Variants in TRMT10A observed in about 807,000 individuals in gnomAD.
The protein encoded by TRMT10A is tRNA methyltransferase 10A.
Under a neutral mutation model 40.4 loss-of-function variants are expected in TRMT10A, and 37 were observed. That is an observed-to-expected ratio of 0.92 (90% CI 0.71 to 1.21). The LOEUF (loss-of-function observed/expected upper bound fraction) is 1.21, where lower values mean the gene tolerates loss of function less well. TRMT10A is among the 50% of genes most tolerant of loss of function. The pLI is 0.00. For missense variants in TRMT10A, 388 were observed against 404.3 expected (o/e 0.96, Z 0.35); for synonymous variants, 103 against 134.1 (o/e 0.77, Z 1.60).
Position 99,563,954 on chromosome 4 carries a change from A to G in TRMT10A, c.-65T>C. On this transcript the variant is annotated 5_prime_UTR_variant, in exon 1 of 8. Coordinates refer to ENST00000394876, the MANE Select transcript of TRMT10A (RefSeq NM_001134665.3). ...CAGGGAAGTGAAATCTCAGAAAGAAAGCCTTTCTGGGTTGGCCTGGTTACG... is the reference window on the plus strand; with the variant it reads ...CAGGGAAGTGAAATCTCAGAAAGAAGGCCTTTCTGGGTTGGCCTGGTTACG... 9.9e-7 allele frequency: 1 copy of G among 1,007,832 alleles called. No individual in the cohort carries two copies. Among genetic ancestry groups the G allele is most frequent in the South Asian group, 1.4e-5 (1 of 72,534 alleles). The allele number at this position is 1,007,832 out of a possible 1,614,324, so 62.4% of individuals were successfully genotyped here.
At chr4:99,560,951 AT>A (rs5860581) in intron 1 of TRMT10A, among the ~76,000 whole-genome samples, 57,340 of 139,504 alleles carry the variant, frequency 0.41, 12,126 homozygotes, top group African/African-American at 0.62. Flanking sequence ...CTATGTGAAG[AT>A]TTTTTTTTTT....
chr4:99,562,515 C>CTTTTT lies in TRMT10A; in HGVS notation c.-24+1393_-24+1397dup, dbSNP rs67816425. On this transcript the variant is annotated intron_variant, in intron 1 of 7. Coordinates refer to ENST00000394876, the MANE Select transcript of TRMT10A (RefSeq NM_001134665.3). ...CTTGACAGCGATAGCAAAGGAATGC[C>CTTTTT]TTTTTTTTTTTTTTTTTTTTTTTTT... is the stretch of plus-strand genomic sequence containing the variant. Among the ~76,000 whole-genome samples, 228 of 76,636 alleles carry CTTTTT rather than the reference C, an allele frequency of 3.0e-3. 28 individuals carry two copies. Among genetic ancestry groups the CTTTTT allele is most frequent in the Middle Eastern group, 0.018 (2 of 110 alleles). 50.3% of individuals were successfully genotyped at this position (76,636 alleles called of 152,430 possible). A position where few individuals can be genotyped will look rare whatever the true frequency, so the allele number is the denominator to read the frequency against.
intron 7 of TRMT10A, among the ~76,000 whole-genome samples, chr4:99,550,378 T>G (rs1285659704): frequency 6.6e-6 from 1 of 152,092 alleles, no homozygotes; most frequent in African/African-American, 2.4e-5. Context: ...TTTGTAGAGA[T>G]GAAGTTTCAC....
Position 99,548,044 on chromosome 4 carries a change from A to G in TRMT10A, c.*1044T>C, listed in dbSNP as rs1181272633. 3 of 152,124 alleles carry G rather than the reference A, an allele frequency of 2.0e-5. No individual in the cohort carries two copies. The highest frequency in any genetic ancestry group is 2.0e-4 in the Admixed American group (3 of 15,266). The allele number at this position is 152,124 out of a possible 1,614,324, so 9.4% of individuals were successfully genotyped here. On this transcript the variant is annotated 3_prime_UTR_variant, in exon 8 of 8. Transcript: ENST00000394876. ...GATTTTTGTACTTAATAAAATTCAAATTGTTCTTAGCGTGTTCAACACAAC... is the reference window on the plus strand; with the variant it reads ...GATTTTTGTACTTAATAAAATTCAAGTTGTTCTTAGCGTGTTCAACACAAC...
At chr4:99,563,803 CT>C (rs953863924) in intron 1 of TRMT10A, 109 bp downstream of exon 1, 1 of 602,746 alleles carries the variant, frequency 1.7e-6, no homozygotes, top group African/African-American at 1.8e-5. Flanking sequence ...CACTGCTCCC[CT>C]CTCCCCCGGA....
chr4:99,554,731 A>AG (rs1724098496), intron 5 of TRMT10A, among the ~76,000 whole-genome samples: 2 of 151,578 alleles, frequency 1.3e-5, no homozygotes, highest in South Asian at 4.1e-4. Flanking sequence ...TCAAAAAAAA[A>AG]AAAAAAAAAA....
chr4:99,555,372 C>T (rs1359037429), intron 5 of TRMT10A, among the ~76,000 whole-genome samples: 1 of 152,098 alleles, frequency 6.6e-6, no homozygotes, highest in Non-Finnish European at 1.5e-5. Context: ...ATAGGGATAA[C>T]CCAGTACTTC....
chr4:99,557,444 A>C, intron 3 of TRMT10A, 28 bp from the exon 4 acceptor site: 1 of 1,602,304 alleles, frequency 6.2e-7, no homozygotes. Flanking sequence ...TTTTAAAGCA[A>C]AGTTATTAAA....
chr4:99,558,683 T>C (rs2110191992), intron 2 of TRMT10A, among the ~76,000 whole-genome samples: 1 of 152,262 alleles, frequency 6.6e-6, no homozygotes, highest in South Asian at 2.1e-4. Flanking sequence ...TGGCATTTAT[T>C]ACAACGACAA....
In TRMT10A at chr4:99,563,905, A is replaced by G; in HGVS notation, c.-24+8T>C. The G allele has an allele frequency of 1.3e-6, 1 of 747,304 alleles. No homozygotes were observed. The highest frequency in any genetic ancestry group is 2.3e-6 in the Non-Finnish European group (1 of 427,994). 46.3% of individuals were successfully genotyped at this position (747,304 alleles called of 1,614,324 possible). On this transcript the variant is annotated splice_region_variant and intron_variant, in intron 1 of 7. Transcript: ENST00000394876. ...CGGGGGAGCGCCAACCAGTGCCAGG[A>G]CACTTACCGAGCTGAAGAGTTGACA...
intron 6 of TRMT10A, among the ~76,000 whole-genome samples, chr4:99,553,427 A>T (rs997846879): frequency 7.2e-5 from 11 of 152,236 alleles, no homozygotes; most frequent in African/African-American, 2.7e-4. Context: ...ATTGATTAGC[A>T]GCAGAATCTT....
chr4:99,552,566 A>G (rs10030937), intron 6 of TRMT10A, among the ~76,000 whole-genome samples: 39,736 of 151,978 alleles, frequency 0.26, 5,354 homozygotes, highest in South Asian at 0.35. Flanking sequence ...TCATTAAGCA[A>G]CATACGACTG....
intron 6 of TRMT10A, among the ~76,000 whole-genome samples, chr4:99,551,786 G>C (rs892229722): frequency 6.6e-6 from 1 of 151,856 alleles, no homozygotes; most frequent in Non-Finnish European, 1.5e-5. Context: ...TACCCCTAAA[G>C]ACCTTTCAGT....
chr4:99,559,301 G>C lies in TRMT10A; in HGVS notation c.38C>G (p.Ser13Cys), dbSNP rs1445422188. 1 of 1,612,184 alleles carries C rather than the reference G, an allele frequency of 6.2e-7. No individual in the cohort carries two copies. ...TATGCCTTGCTTTTTGTCAACATTA[G>C]AAGTTTCAATAAATGCTGGCAACAT... The part of the protein sequence containing the change: ...SEMLPAFIET[S>C]NVDKKQGINE... Residue 13 changes from serine (S) to cysteine (C), a missense_variant, in exon 2 of 8, where the codon TCT becomes TGT. Transcript: ENST00000394876.
In TRMT10A at chr4:99,548,396, C is replaced by A. The variant is rs1723819631; in HGVS notation, c.*692G>T. 1 of 151,894 alleles carries A rather than the reference C, an allele frequency of 6.6e-6. No individual in the cohort carries two copies. 9.4% of individuals were successfully genotyped at this position (151,894 alleles called of 1,614,324 possible). On this transcript the variant is annotated 3_prime_UTR_variant, in exon 8 of 8. Transcript: ENST00000394876. ...CAGCCTTATAAAATAATTTAGTCTG[C>A]AAAATTCAATTTTATAATTGAAGTA...
In TRMT10A at chr4:99,559,318, T is replaced by G; in HGVS notation, c.21A>C (p.Pro7=). The G allele has an allele frequency of 6.2e-7, 1 of 1,611,366 alleles. No individual in the cohort carries two copies. The highest frequency in any genetic ancestry group is 8.5e-7 in the Non-Finnish European group (1 of 1,178,348). ...CAACATTAGAAGTTTCAATAAATGC[T>G]GGCAACATTTCAGATGACATTATTT... is the stretch of plus-strand genomic sequence containing the variant. MSSEML[P]AFIETSNVDK... The change falls in exon 2 of 8, where the codon CCA becomes CCC. Residue 7 remains proline, a synonymous_variant. Coordinates refer to ENST00000394876, the MANE Select transcript of TRMT10A (RefSeq NM_001134665.3).
intron 4 of TRMT10A, 113 bp downstream of exon 4, chr4:99,557,232 A>G: frequency 9.5e-7 from 1 of 1,048,228 alleles, no homozygotes; most frequent in Non-Finnish European, 1.3e-6. Context: ...TCACATAGGC[A>G]TTAAACAAGA....
intron 4 of TRMT10A, among the ~76,000 whole-genome samples, 182 bp from the exon 5 acceptor site, chr4:99,556,402 G>A (rs991383577): frequency 1.3e-5 from 2 of 152,204 alleles, no homozygotes; most frequent in African/African-American, 2.4e-5. Context: ...GAAATAGTAC[G>A]TTTTGTGTGC....
rs547002863 is a variant in TRMT10A, at chr4:99,552,161, A to G, written c.646-1171T>C. On this transcript the variant is annotated intron_variant, in intron 6 of 7. Transcript: ENST00000394876. ...AAATTTTAAATAAATTTAGTATAGCATAAGTGTACAGTATTTATAAAGTCT... is the reference window on the plus strand; with the variant it reads ...AAATTTTAAATAAATTTAGTATAGCGTAAGTGTACAGTATTTATAAAGTCT... 2.6e-5 allele frequency among the ~76,000 whole-genome samples: 4 copies of G among 152,278 alleles called. No individual in the cohort carries two copies. In the South Asian group the frequency reaches 8.3e-4, roughly 32 times the overall value.
Sources: allele counts gnomAD v4.1 joint callset (sites outside exome capture counted in the v4.1 genomes callset), GRCh38; gene constraint gnomAD v4.1.1; transcripts MANE v1.5; gene names NCBI Gene and HGNC (gene_info 2026-07-23, HGNC 2026-07-21).